Variants in DYNC2H1 observed in about 807,000 individuals in gnomAD.
DYNC2H1 encodes dynein cytoplasmic 2 heavy chain 1.
DYNC2H1 carries 410 observed loss-of-function variants against 570.0 expected under a neutral mutation model. That is an observed-to-expected ratio of 0.72 (90% CI 0.66 to 0.78). The LOEUF is 0.78. Ranked by LOEUF, DYNC2H1 falls within the 30% of genes least tolerant of loss-of-function variation. DYNC2H1 has a pLI of 0.00. For missense variants in DYNC2H1, 4,865 were observed against 5,046.4 expected, an observed-to-expected ratio of 0.96 and a Z score of 1.09; for synonymous variants, 1,688 against 1,677.6, an observed-to-expected ratio of 1.01 and a Z score of -0.15.
chr11:103,458,342 C>T (rs12225229), intron 87 of DYNC2H1, among the ~76,000 whole-genome samples: 22,578 of 152,026 alleles, frequency 0.15, 1,896 homozygotes, highest in East Asian at 0.26. Flanking sequence ...GTAGGCTATA[C>T]CATCTAGGTT....
At chr11:103,141,402 T>A (rs980342615) in intron 17 of DYNC2H1, among the ~76,000 whole-genome samples, 1 of 152,166 alleles carries the variant, frequency 6.6e-6, no homozygotes. Context: ...CCTTTCTGTT[T>A]GTTAGTTTTC....
At chr11:103,350,283 G>A (rs953549284) in intron 82 of DYNC2H1, among the ~76,000 whole-genome samples, 6 of 152,070 alleles carry the variant, frequency 3.9e-5, no homozygotes, top group African/African-American at 9.7e-5. Flanking sequence ...TTCAAAAACA[G>A]AAGATACATA....
At chr11:103,166,964 A>G (rs1861333229) in intron 31 of DYNC2H1, among the ~76,000 whole-genome samples, 1 of 119,064 alleles carries the variant, frequency 8.4e-6, no homozygotes, top group Non-Finnish European at 1.7e-5. Flanking sequence ...ACCTTTTGGC[A>G]TGGGTTTGGA....
At chr11:103,162,982 GTTTAT>G (rs753235914) in intron 29 of DYNC2H1, 41 bp from the exon 30 acceptor site, 8 of 1,536,384 alleles carry the variant, frequency 5.2e-6, no homozygotes, top group Non-Finnish European at 7.1e-6. Flanking sequence ...TTATTTTCCA[GTTTAT>G]TTTATGTCTT....
intron 83 of DYNC2H1, among the ~76,000 whole-genome samples, chr11:103,383,302 AACTTCAG>A (rs1461581341): frequency 6.6e-6 from 1 of 151,770 alleles, no homozygotes; most frequent in East Asian, 2.1e-4. Context: ...TGTAAAGAAG[AACTTCAG>A]TTTGCAGAGT....
In DYNC2H1 at chr11:103,280,871, T is replaced by A. The variant is rs1866102138; in HGVS notation, c.10761+458T>A. 6.6e-6 allele frequency among the ~76,000 whole-genome samples: 1 copy of A among 152,100 alleles called. No homozygotes were observed. Among genetic ancestry groups the A allele is most frequent in the Admixed American group, 6.6e-5 (1 of 15,260 alleles). ...CTACAGGTTTATGTTAATTTTTTTA[T>A]GTATAATTTGTCTTCCTTGTTTATG... On this transcript the variant is annotated intron_variant, in intron 71 of 88. Coordinates refer to ENST00000375735, the MANE Select transcript of DYNC2H1 (RefSeq NM_001377.3). This position sits in a 1 kb window ranked among gnomAD's most constrained non-coding sequence, Gnocchi z 4.7.
chr11:103,282,035 T>C, intron 71 of DYNC2H1, 144 bp from the exon 72 acceptor site: 1 of 603,654 alleles, frequency 1.7e-6, no homozygotes. Context: ...TTGATAATGT[T>C]AACATACTAG....
chr11:103,311,512 G>A (rs770838973), intron 78 of DYNC2H1, among the ~76,000 whole-genome samples: 5 of 151,766 alleles, frequency 3.3e-5, no homozygotes, highest in Non-Finnish European at 7.4e-5. Flanking sequence ...GAAAGCTGCT[G>A]TATTAAACTC....
intron 80 of DYNC2H1, among the ~76,000 whole-genome samples, chr11:103,318,348 A>G (rs1247958687): frequency 6.6e-6 from 1 of 152,082 alleles, no homozygotes; most frequent in Non-Finnish European, 1.5e-5. Context: ...GACACCAGAC[A>G]CCTAACTATA....
rs1316840770 is a variant in DYNC2H1 at position 103,245,360 on chromosome 11, A to T, written c.10028A>T (p.Asp3343Val). The T allele has an allele frequency of 6.3e-7, 1 of 1,586,298 alleles. No homozygotes were observed. The change falls in exon 65 of 89, where the codon GAT (aspartate) becomes GTT (valine). Residue 3343 changes from aspartate (D) to valine (V), a missense_variant. Transcript: ENST00000375735. This position sits in a 1 kb window ranked among gnomAD's most constrained non-coding sequence, Gnocchi z 4.5. The stretch of plus-strand genomic sequence containing the variant: ...GTTCTTTATCCATTATTGAGACGAG[A>T]TCTGGTTGCTCAAGGTAAATAATTG... ...EPVLYPLLRR[D>V]LVAQGPRYVV...
In DYNC2H1 at chr11:103,280,681, A is replaced by G. The variant is rs1162962755; in HGVS notation, c.10761+268A>G. On this transcript the variant is annotated intron_variant, in intron 71 of 88. Coordinates refer to ENST00000375735, the MANE Select transcript of DYNC2H1 (RefSeq NM_001377.3). The surrounding 1 kb of genome is among the most constrained non-coding windows in gnomAD (Gnocchi z 4.7). The stretch of plus-strand genomic sequence containing the variant: ...AACCCAAGTTCACTTACTTAGGGCA[A>G]CAGAAGAGTCAGCCTTCTTCTTTTC... 1.3e-5 allele frequency among the ~76,000 whole-genome samples: 2 copies of G among 152,086 alleles called. No homozygotes were observed. Among genetic ancestry groups the G allele is most frequent in the Non-Finnish European group, 2.9e-5 (2 of 67,980 alleles).
intron 75 of DYNC2H1, among the ~76,000 whole-genome samples, chr11:103,297,751 A>G (rs1015487985): frequency 6.6e-6 from 1 of 152,030 alleles, no homozygotes; most frequent in Non-Finnish European, 1.5e-5. Flanking sequence ...TCTATACTCA[A>G]TCTACCATCA....
chr11:103,184,293 C>T (rs1471814965), intron 40 of DYNC2H1, among the ~76,000 whole-genome samples: 2 of 151,884 alleles, frequency 1.3e-5, no homozygotes, highest in Admixed American at 1.3e-4. Context: ...ACAAACCTGG[C>T]ACCACATACA....
At chr11:103,135,071 A>G (rs1859468235) in intron 15 of DYNC2H1, among the ~76,000 whole-genome samples, 2 of 152,132 alleles carry the variant, frequency 1.3e-5, no homozygotes, top group Admixed American at 6.6e-5. Context: ...CTAATATTTT[A>G]AATCTCATAT....
chr11:103,236,334 C>A, intron 62 of DYNC2H1, 96 bp from the exon 63 acceptor site: 1 of 787,532 alleles, frequency 1.3e-6, no homozygotes, highest in East Asian at 2.6e-5. Context: ...TAAGGACTGT[C>A]ATAGGACTTT....
At chr11:103,188,887 T>G (rs1862185051) in intron 44 of DYNC2H1, among the ~76,000 whole-genome samples, 1 of 152,102 alleles carries the variant, frequency 6.6e-6, no homozygotes, top group South Asian at 2.1e-4. Context: ...AACTGTTTTG[T>G]GTAGTCTGTG....
At chr11:103,200,380 A>C (rs188713429) in intron 50 of DYNC2H1, among the ~76,000 whole-genome samples, 131 of 152,274 alleles carry the variant, frequency 8.6e-4, no homozygotes, top group Non-Finnish European at 1.4e-3. Context: ...GTATTGGTGA[A>C]TATTCAGAAA....
intron 75 of DYNC2H1, among the ~76,000 whole-genome samples, chr11:103,294,496 C>A (rs1229048525): frequency 1.3e-5 from 2 of 152,152 alleles, no homozygotes; most frequent in Non-Finnish European, 2.9e-5. Flanking sequence ...CCTTGGTGGA[C>A]CTTAGGAAGA....
chr11:103,398,323 A>G (rs1942480771), intron 83 of DYNC2H1, among the ~76,000 whole-genome samples: 1 of 152,182 alleles, frequency 6.6e-6, no homozygotes, highest in Non-Finnish European at 1.5e-5. Flanking sequence ...CTCTGGATTC[A>G]GTATGAATGT....
Sources: allele counts gnomAD v4.1 joint callset (sites outside exome capture counted in the v4.1 genomes callset), GRCh38; gene constraint gnomAD v4.1.1; non-coding constraint Gnocchi (gnomAD v3.1); transcripts MANE v1.5; gene names NCBI Gene and HGNC (gene_info 2026-07-23, HGNC 2026-07-21).